Variants in ITPR1 observed in about 807,000 individuals in gnomAD.
ITPR1 encodes inositol 1,4,5-trisphosphate-gated calcium channel ITPR1.
In ITPR1, 96 loss-of-function variants were observed where a neutral mutation model predicts 318.4. The observed-to-expected ratio is 0.30, with a 90% CI of 0.26 to 0.36. ITPR1 has a LOEUF of 0.36. Ranked by LOEUF, ITPR1 falls within the 10% of genes least tolerant of loss-of-function variation. The pLI, the probability that ITPR1 is intolerant of heterozygous loss-of-function variation, is 1.00. For synonymous variants in ITPR1, 1,312 were observed against 1,289.9 expected (o/e 1.02, Z -0.37); for missense variants, 2,440 against 3,460.2 (o/e 0.71, Z 7.40).
chr3:4,784,687 C>A (rs1390169854), intron 51 of ITPR1, among the ~76,000 whole-genome samples: 3 of 147,744 alleles, frequency 2.0e-5, no homozygotes, highest in African/African-American at 7.5e-5. Flanking sequence ...TCAAGACCAG[C>A]CTGGCCAACA....
chr3:4,688,668 G>T, intron 31 of ITPR1, 48 bp downstream of exon 31: 2 of 1,577,228 alleles, frequency 1.3e-6, no homozygotes, highest in South Asian at 2.3e-5. Context: ...GGAGGGCAGG[G>T]AAGAGGGAGG....
At chr3:4,615,133 A>G (rs548783925) in intron 4 of ITPR1, among the ~76,000 whole-genome samples, 1 of 152,142 alleles carries the variant, frequency 6.6e-6, no homozygotes, top group South Asian at 2.1e-4. Context: ...TGTCACAGTG[A>G]CCCCTGTCCC....
intron 15 of ITPR1, 122 bp from the exon 16 acceptor site, chr3:4,662,943 A>G (rs2093868027): frequency 2.8e-6 from 2 of 724,900 alleles, no homozygotes; most frequent in Non-Finnish European, 4.6e-6. Flanking sequence ...TTTCAAAGAA[A>G]TTGGAAAGTG....
rs78735663 is a variant in ITPR1 at position 4,522,083 on chromosome 3, G to T, written c.163+989G>T. Reference sequence around the variant, plus strand: ...TGTGGTTAGTGGTCCTCAGCTCTAGGCACATGTTAGAATCATCTGAGGAAG... The same window carrying T: ...TGTGGTTAGTGGTCCTCAGCTCTAGTCACATGTTAGAATCATCTGAGGAAG... On this transcript the variant is annotated intron_variant, in intron 4 of 61. Coordinates refer to ENST00000649015, the MANE Select transcript of ITPR1 (RefSeq NM_001378452.1). 6.8e-3 allele frequency among the ~76,000 whole-genome samples: 1,037 copies of T among 152,172 alleles called. 11 individuals are homozygous for T. The highest frequency in any genetic ancestry group is 0.024 in the African/African-American group (988 of 41,490).
chr3:4,629,295 G>GAC (rs1363950944), intron 5 of ITPR1, among the ~76,000 whole-genome samples: 2 of 152,008 alleles, frequency 1.3e-5, no homozygotes, highest in African/African-American at 2.4e-5. Context: ...TGAGAACATT[G>GAC]TTTTCCTGGC....
At chr3:4,671,039 G>A in intron 20 of ITPR1, 113 bp downstream of exon 20, 1 of 763,338 alleles carries the variant, frequency 1.3e-6, no homozygotes, top group Non-Finnish European at 2.0e-6. Flanking sequence ...CATCTTGTAA[G>A]ATTGTCTAGA....
rs777408902 is a variant in ITPR1 at position 4,645,630 on chromosome 3, T to A, written c.757T>A (p.Cys253Ser). ...FHAEQEKFLT[C>S]DEHRKKQHVF... ...TGCTGAGCAGGAGAAGTTTCTCACC[T>A]GTGACGAACACAGGAAGAAGCAGCA... The change falls in exon 10 of 62, where the codon TGT (cysteine) becomes AGT (serine). Residue 253 changes from cysteine (C) to serine (S), a missense_variant. By Grantham distance (112) the Cys-to-Ser change is moderately radical. Transcript: ENST00000649015. 1 of 1,613,508 alleles carries A rather than the reference T, an allele frequency of 6.2e-7. No homozygotes were observed.
At chr3:4,765,223 A>G (rs1158979656) in intron 44 of ITPR1, among the ~76,000 whole-genome samples, 2 of 152,142 alleles carry the variant, frequency 1.3e-5, no homozygotes, top group Non-Finnish European at 2.9e-5. Context: ...GGCATTTGGC[A>G]GTGGCTGGAG....
At chr3:4,655,584 A>G (rs534184690) in intron 12 of ITPR1, among the ~76,000 whole-genome samples, 6 of 152,262 alleles carry the variant, frequency 3.9e-5, no homozygotes, top group Admixed American at 3.9e-4. Flanking sequence ...GCTGCACAGC[A>G]GTGTATAAAA....
chr3:4,603,959 G>A (rs566648694), intron 4 of ITPR1, among the ~76,000 whole-genome samples: 11 of 152,152 alleles, frequency 7.2e-5, no homozygotes, highest in Non-Finnish European at 1.5e-4. Context: ...GTGTATAAGT[G>A]TTTCCTTTTC....
In ITPR1 at chr3:4,702,946, T is replaced by C. The variant is rs750893646; in HGVS notation, c.4653T>C (p.Asp1551=). The part of the protein sequence containing the change: ...SVESCIRVLS[D]VAKSRAIAIP... ...AGAGCTGTATTCGGGTGCTGTCTGA[T>C]GTAGGTAAGATACCAAGTCAGTTTG... The change falls in exon 36 of 62, where the codon GAT becomes GAC. Residue 1551 remains aspartate (D), a synonymous_variant. Coordinates refer to ENST00000649015, the MANE Select transcript of ITPR1 (RefSeq NM_001378452.1). 3 of 1,613,780 alleles carry C rather than the reference T, an allele frequency of 1.9e-6. No individual in the cohort carries two copies. Among genetic ancestry groups the C allele is most frequent in the African/African-American group, 1.3e-5 (1 of 75,058 alleles).
intron 4 of ITPR1, among the ~76,000 whole-genome samples, chr3:4,521,839 C>G (rs2082593546): frequency 6.6e-6 from 1 of 152,124 alleles, no homozygotes; most frequent in Non-Finnish European, 1.5e-5. Flanking sequence ...CACTGTACTC[C>G]AGCCTGGGCG....
chr3:4,613,423 G>A (rs140605884), intron 4 of ITPR1, among the ~76,000 whole-genome samples: 2 of 152,150 alleles, frequency 1.3e-5, no homozygotes, highest in Non-Finnish European at 2.9e-5. Flanking sequence ...GTGATTTGGG[G>A]GTCCCAAGAT....
intron 60 of ITPR1, among the ~76,000 whole-genome samples, chr3:4,835,206 C>T (rs547873177): frequency 6.8e-4 from 103 of 151,150 alleles, no homozygotes; most frequent in African/African-American, 2.4e-3. Context: ...ATCTAGCTCT[C>T]TTATAGGGCT....
At chr3:4,588,958 T>C (rs2090155789) in intron 4 of ITPR1, among the ~76,000 whole-genome samples, 1 of 152,212 alleles carries the variant, frequency 6.6e-6, no homozygotes, top group Non-Finnish European at 1.5e-5. Context: ...ACAGCCCTCA[T>C]TCTGCTCTAA....
chr3:4,711,706 TAATTTA>T, intron 38 of ITPR1, 45 bp from the exon 39 acceptor site: 1 of 982,386 alleles, frequency 1.0e-6, no homozygotes, highest in Non-Finnish European at 1.6e-6. Context: ...GAAGTCTTTT[TAATTTA>T]AAATTAGCTT....
intron 4 of ITPR1, among the ~76,000 whole-genome samples, chr3:4,532,251 G>T (rs889471999): frequency 6.6e-6 from 1 of 152,176 alleles, no homozygotes; most frequent in African/African-American, 2.4e-5. Flanking sequence ...GACCTCTAAG[G>T]CATTGCTTCT....
At chr3:4,508,704 A>C (rs913663846) in intron 2 of ITPR1, among the ~76,000 whole-genome samples, 2 of 152,144 alleles carry the variant, frequency 1.3e-5, no homozygotes, top group Non-Finnish European at 2.9e-5. Context: ...CCAGAGTGGA[A>C]GAGGTTCTAA....
chr3:4,512,504 A>G (rs1435638725), intron 2 of ITPR1, among the ~76,000 whole-genome samples: 1 of 152,162 alleles, frequency 6.6e-6, no homozygotes, highest in African/African-American at 2.4e-5. Context: ...CATCAGGGGA[A>G]TTAGGAAGGA....
Sources: gnomAD v4.1 joint callset for allele counts (sites outside exome capture counted in the v4.1 genomes callset) on GRCh38, gnomAD v4.1.1 for gene constraint, MANE v1.5 for transcripts, NCBI Gene and HGNC (gene_info 2026-07-23, HGNC 2026-07-21) for gene names.